Variants in CPAP observed in about 807,000 individuals in gnomAD.
The protein encoded by CPAP is centrosomal P4.1-associated protein.
chr13:24,910,538 A>C, the CPAP span, among the ~76,000 whole-genome samples: 1 of 152,154 alleles, frequency 6.6e-6, no homozygotes, highest in Non-Finnish European at 1.5e-5. Flanking sequence ...TTAAATTTCT[A>C]ATGCAGTAAG....
chr13:24,883,482 C>T, the CPAP span: 1 of 783,902 alleles, frequency 1.3e-6, no homozygotes, highest in African/African-American at 1.8e-5. Context: ...CTGGAGACAT[C>T]CCTTGGTTAT....
At chr13:24,917,766 C>G in the CPAP span, among the ~76,000 whole-genome samples, 1 of 152,198 alleles carries the variant, frequency 6.6e-6, no homozygotes, top group Non-Finnish European at 1.5e-5. Flanking sequence ...ATTTATTTCT[C>G]ACAGTTCTGG....
chr13:24,892,735 T>C, the CPAP span: 30 of 1,614,036 alleles, frequency 1.9e-5, no homozygotes, highest in Non-Finnish European at 2.3e-5. Flanking sequence ...ATCACTTTTA[T>C]TTCTTCCCGG....
the CPAP span, among the ~76,000 whole-genome samples, chr13:24,927,515 C>T: frequency 8.5e-5 from 13 of 152,336 alleles, no homozygotes; most frequent in South Asian, 2.3e-3. Flanking sequence ...TCCCTTCCCC[C>T]CGCAGTGATT....
At chr13:24,885,436 AG>A in the CPAP span, 3 of 1,352,140 alleles carry the variant, frequency 2.2e-6, no homozygotes, top group Non-Finnish European at 3.2e-6. Context: ...TTACTTCCAA[AG>A]CCAGATTCTG....
At chr13:24,912,313 G>C in the CPAP span, among the ~76,000 whole-genome samples, 1 of 152,110 alleles carries the variant, frequency 6.6e-6, no homozygotes, top group Non-Finnish European at 1.5e-5. Flanking sequence ...TGTTAAAATA[G>C]GATGGGCATC....
At chr13:24,924,711 C>T in the CPAP span, 2 of 152,214 alleles carry the variant, frequency 1.3e-5, no homozygotes, top group African/African-American at 4.8e-5. Flanking sequence ...ATTACCCGTT[C>T]TGATACAATT....
chr13:24,909,722 G>C, the CPAP span: 1 of 1,412,700 alleles, frequency 7.1e-7, no homozygotes, highest in South Asian at 1.2e-5. Flanking sequence ...AAAAAACATG[G>C]AAAGGCTTCA....
chr13:24,919,660 T>C, the CPAP span, among the ~76,000 whole-genome samples: 2 of 152,236 alleles, frequency 1.3e-5, no homozygotes, highest in African/African-American at 4.8e-5. Flanking sequence ...GCTCAAGCCA[T>C]TCTCCCACCT....
At chr13:24,913,738 T>C in the CPAP span, among the ~76,000 whole-genome samples, 2 of 152,262 alleles carry the variant, frequency 1.3e-5, no homozygotes, top group African/African-American at 4.8e-5. Context: ...TATTCACTAC[T>C]GCCAAGCACC....
At chr13:24,892,834 CT>C in the CPAP span, 1 of 1,612,204 alleles carries the variant, frequency 6.2e-7, no homozygotes, top group South Asian at 1.1e-5. Flanking sequence ...CTTTTCAAAT[CT>C]TCCCGTAAAT....
chr13:24,892,610 G>T, the CPAP span: 1 of 1,531,796 alleles, frequency 6.5e-7, no homozygotes, highest in Non-Finnish European at 9.0e-7. Flanking sequence ...AGCTCCCCCT[G>T]GCCTGACACA....
chr13:24,887,628 A>C, the CPAP span, among the ~76,000 whole-genome samples: 144 of 152,196 alleles, frequency 9.5e-4, no homozygotes, highest in Middle Eastern at 3.4e-3. Context: ...CTGATTCTAC[A>C]TTATGGTGAG....
At chr13:24,915,786 C>T in the CPAP span, among the ~76,000 whole-genome samples, 3 of 151,600 alleles carry the variant, frequency 2.0e-5, no homozygotes, top group Admixed American at 2.0e-4. Flanking sequence ...GCAACAAGTG[C>T]AAGACTCCAT....
the CPAP span, among the ~76,000 whole-genome samples, chr13:24,892,480 A>T: frequency 2.0e-5 from 3 of 152,138 alleles, no homozygotes; most frequent in Admixed American, 6.5e-5. Flanking sequence ...GCTCCAGGAC[A>T]CTTTTCATCT....
the CPAP span, among the ~76,000 whole-genome samples, chr13:24,895,497 G>A: frequency 1.3e-5 from 2 of 152,324 alleles, no homozygotes; most frequent in South Asian, 4.1e-4. Flanking sequence ...AGAATGGCGT[G>A]AAGCCGGGAG....
the CPAP span, among the ~76,000 whole-genome samples, chr13:24,918,599 G>A: frequency 1.3e-5 from 2 of 151,848 alleles, no homozygotes; most frequent in Non-Finnish European, 2.9e-5. Context: ...GAGAAGAAAA[G>A]TTAAGAAAAT....
chr13:24,887,335 G>C, the CPAP span, among the ~76,000 whole-genome samples: 2 of 152,242 alleles, frequency 1.3e-5, no homozygotes, highest in Admixed American at 1.3e-4. Context: ...GTAGGAACTG[G>C]GCCACACAGC....
chr13:24,933,269 T>C, the CPAP span: 22 of 704,476 alleles, frequency 3.1e-5, no homozygotes, highest in Admixed American at 5.8e-4. Flanking sequence ...CAGGAGAGAC[T>C]GTGACTTGGC....
Sources: gnomAD v4.1 joint callset for allele counts (sites outside exome capture counted in the v4.1 genomes callset) on GRCh38, gnomAD v4.1.1 for gene constraint, MANE v1.5 for transcripts, NCBI Gene and HGNC (gene_info 2026-07-23, HGNC 2026-07-21) for gene names.